Variants in ADAM10 observed in about 807,000 individuals in gnomAD.
ADAM10 encodes ADAM metallopeptidase domain 10.
Under a neutral mutation model 90.1 loss-of-function variants are expected in ADAM10, and 17 were observed. That is an observed-to-expected ratio of 0.19 (90% confidence interval 0.13 to 0.28). The LOEUF (loss-of-function observed/expected upper bound fraction) is 0.28. Ranked by LOEUF, ADAM10 falls within the 10% of genes least tolerant of loss-of-function variation. The probability of loss-of-function intolerance (pLI) is 1.00; values close to 1 mark genes in which losing one functional copy is unlikely to be tolerated. For synonymous variants in ADAM10, 310 were observed against 298.6 expected, an observed-to-expected ratio of 1.04 and a Z score of -0.40; for missense variants, 610 against 914.3, an observed-to-expected ratio of 0.67 and a Z score of 4.29.
intron 2 of ADAM10, among the ~76,000 whole-genome samples, chr15:58,695,045 T>A (rs1897938606): frequency 6.6e-6 from 1 of 152,226 alleles, no homozygotes; most frequent in African/African-American, 2.4e-5. Context: ...TAAGTAGGGG[T>A]CAGTAGCATA....
intron 1 of ADAM10, among the ~76,000 whole-genome samples, chr15:58,742,316 C>A (rs1414145629): frequency 6.6e-6 from 1 of 152,124 alleles, no homozygotes; most frequent in African/African-American, 2.4e-5. Flanking sequence ...GACATAACCC[C>A]ACATTAAGTG....
At chr15:58,618,749 T>G (rs1190094299) in intron 11 of ADAM10, among the ~76,000 whole-genome samples, 2 of 151,964 alleles carry the variant, frequency 1.3e-5, no homozygotes, top group African/African-American at 2.4e-5. Context: ...AACAAGTACA[T>G]GAAAAAATGT....
chr15:58,748,600 A>G, intron 1 of ADAM10: 1 of 240,286 alleles, frequency 4.2e-6, no homozygotes, highest in Non-Finnish European at 8.0e-6. Flanking sequence ...TTGACAATCC[A>G]CTAACTACAC....
At chr15:58,612,874 T>C (rs1895488297) in intron 11 of ADAM10, among the ~76,000 whole-genome samples, 1 of 152,178 alleles carries the variant, frequency 6.6e-6, no homozygotes, top group Admixed American at 6.5e-5. Flanking sequence ...ACATTCAATC[T>C]TGCCAGACAG....
chr15:58,626,760 A>C (rs924265575), intron 10 of ADAM10, among the ~76,000 whole-genome samples: 2 of 152,204 alleles, frequency 1.3e-5, no homozygotes, highest in African/African-American at 2.4e-5. Flanking sequence ...GAATAGGCCA[A>C]TTCATAAAGA....
At chr15:58,663,345 T>A (rs1284281994) in intron 5 of ADAM10, among the ~76,000 whole-genome samples, 1 of 152,226 alleles carries the variant, frequency 6.6e-6, no homozygotes, top group Non-Finnish European at 1.5e-5. Flanking sequence ...TAATTTGAGA[T>A]TGCATCTCTA....
chr15:58,642,574 A>G (rs1309205906), intron 7 of ADAM10, among the ~76,000 whole-genome samples: 1 of 152,214 alleles, frequency 6.6e-6, no homozygotes, highest in Non-Finnish European at 1.5e-5. Flanking sequence ...TCTTCAACAG[A>G]TAAAACTTTA....
At position 58,615,135 on chromosome 15, in the gene ADAM10, G is replaced by A. The variant is rs545356684; in HGVS notation, c.1512-3144C>T. 9.5e-4 allele frequency among the ~76,000 whole-genome samples: 144 copies of A among 152,044 alleles called. 1 individual carries two copies. Among genetic ancestry groups the A allele is most frequent in the East Asian group, 1.5e-3 (8 of 5,170 alleles). On this transcript the variant is annotated intron_variant, in intron 11 of 15. Transcript: ENST00000260408. ...TAAAAACACAAAAAATTAGCCGGGC[G>A]TGGTGGCAGGCGCCTGTAGTCCCAG...
rs1895444036 is a variant in ADAM10 at position 58,611,730 on chromosome 15, T to C, written c.1695+78A>G. The C allele has an allele frequency of 5.1e-6, 7 of 1,361,274 alleles. No individual in the cohort carries two copies. In the African/African-American group the frequency reaches 5.9e-5, roughly 11 times the overall value. 84.3% of individuals were successfully genotyped at this position (1,361,274 alleles called of 1,614,324 possible). On this transcript the variant is annotated intron_variant, in intron 12 of 15. Transcript: ENST00000260408. ...ACCAAGATTAATTACTTTAACTATG[T>C]AGCTTTAAGCATCAATAATTCTTCT... is the stretch of plus-strand genomic sequence containing the variant.
intron 1 of ADAM10, among the ~76,000 whole-genome samples, chr15:58,746,021 G>A (rs1303381548): frequency 4.6e-5 from 7 of 152,200 alleles, no homozygotes; most frequent in South Asian, 2.1e-4. Flanking sequence ...TTAGTCCAGA[G>A]GCCACCTTTG....
chr15:58,624,080 T>C (rs1372634501), intron 10 of ADAM10, among the ~76,000 whole-genome samples: 5 of 150,556 alleles, frequency 3.3e-5, no homozygotes, highest in African/African-American at 1.2e-4. Flanking sequence ...GGTCAAGAGA[T>C]TGAGACCATC....
intron 2 of ADAM10, chr15:58,698,391 G>A: frequency 7.6e-6 from 2 of 262,966 alleles, no homozygotes; most frequent in Non-Finnish European, 1.4e-5. Flanking sequence ...GGGCAACACG[G>A]CAAAACCCCA....
At chr15:58,688,290 G>A (rs1321259959) in intron 2 of ADAM10, among the ~76,000 whole-genome samples, 2 of 152,042 alleles carry the variant, frequency 1.3e-5, no homozygotes, top group East Asian at 1.9e-4. Context: ...TATTTTGGGA[G>A]GGCAAGGTGG....
intron 1 of ADAM10, among the ~76,000 whole-genome samples, chr15:58,728,388 A>T (rs1180200586): frequency 1.3e-5 from 2 of 152,170 alleles, no homozygotes; most frequent in Non-Finnish European, 2.9e-5. Flanking sequence ...CACTTAAAAA[A>T]TTGTTGAATT....
chr15:58,654,627 C>G (rs1896765853), intron 5 of ADAM10, among the ~76,000 whole-genome samples: 1 of 152,224 alleles, frequency 6.6e-6, no homozygotes, highest in Non-Finnish European at 1.5e-5. Context: ...GATCATTCCA[C>G]ATCAGCTTCC....
chr15:58,672,153 A>G lies in ADAM10; in HGVS notation c.485-6956T>C, dbSNP rs143586028. 1.5e-3 allele frequency: 223 copies of G among 152,356 alleles called. 1 individual carries two copies. Among genetic ancestry groups the G allele is most frequent in the African/African-American group, 5.0e-3 (206 of 41,582 alleles). The allele number at this position is 152,356 out of a possible 1,614,324, so 9.4% of individuals were successfully genotyped here. On this transcript the variant is annotated intron_variant, in intron 4 of 15. Coordinates refer to ENST00000260408, the MANE Select transcript of ADAM10 (RefSeq NM_001110.4). ...GTGACTTTCAAAGTTGCTTTACAAC[A>G]TGAAAGCTTTTTTTATTTTCATATA...
At chr15:58,600,230 A>G (rs1357643435) in intron 14 of ADAM10, among the ~76,000 whole-genome samples, 3 of 152,184 alleles carry the variant, frequency 2.0e-5, no homozygotes, top group African/African-American at 7.2e-5. Flanking sequence ...TGAACTACAA[A>G]AGGATCTCCT....
At chr15:58,691,060 C>T in intron 2 of ADAM10, 1 of 597,658 alleles carries the variant, frequency 1.7e-6, no homozygotes. Flanking sequence ...ATAGAGTTGT[C>T]CCAAAATGCC....
intron 2 of ADAM10, 112 bp from the exon 3 acceptor site, chr15:58,682,426 C>A (rs1897466998): frequency 1.4e-6 from 2 of 1,463,230 alleles, no homozygotes; most frequent in Non-Finnish European, 9.0e-7. Context: ...TGAAATTTGT[C>A]TATTTGTGAA....
Sources: allele counts gnomAD v4.1 joint callset (sites outside exome capture counted in the v4.1 genomes callset), GRCh38; gene constraint gnomAD v4.1.1; transcripts MANE v1.5; gene names NCBI Gene and HGNC (gene_info 2026-07-23, HGNC 2026-07-21).